Variants in ERBB4 observed in about 807,000 individuals in gnomAD.
The protein encoded by ERBB4 is receptor tyrosine-protein kinase erbB-4.
ERBB4 carries 42 observed loss-of-function variants against 158.0 expected under a neutral mutation model. The ratio of observed to expected loss-of-function variants is 0.27; its 90% CI spans 0.21 to 0.34. The LOEUF (loss-of-function observed/expected upper bound fraction) is 0.34, where lower values mean the gene tolerates loss of function less well. ERBB4 is among the 10% of genes least tolerant of loss of function. The pLI is 1.00. For missense variants in ERBB4, 1,333 were observed against 1,624.1 expected (o/e 0.82, Z 3.08); for synonymous variants, 583 against 558.7 (o/e 1.04, Z -0.61).
intron 13 of ERBB4, among the ~76,000 whole-genome samples, chr2:211,676,741 AC>A (rs2072090396): frequency 6.6e-6 from 1 of 152,216 alleles, no homozygotes; most frequent in African/African-American, 2.4e-5. Flanking sequence ...TTAGTATTGC[AC>A]ATATATATTC....
intron 1 of ERBB4, among the ~76,000 whole-genome samples, chr2:212,257,715 C>T (rs2084792906): frequency 6.6e-6 from 1 of 152,134 alleles, no homozygotes; most frequent in Admixed American, 6.6e-5. Flanking sequence ...ATTCAACTCT[C>T]TTAATGAAGC....
At chr2:212,462,030 AGTGTCAG>A (rs1391371478) in intron 1 of ERBB4, among the ~76,000 whole-genome samples, 1 of 152,170 alleles carries the variant, frequency 6.6e-6, no homozygotes, top group Non-Finnish European at 1.5e-5. Context: ...CAAATTGCCC[AGTGTCAG>A]GTATGTCTTT....
At chr2:212,432,863 T>G (rs367707203) in intron 1 of ERBB4, among the ~76,000 whole-genome samples, 71 of 152,212 alleles carry the variant, frequency 4.7e-4, no homozygotes, top group African/African-American at 1.7e-3. Flanking sequence ...CCTGAGTTAT[T>G]CAGATGGTCG....
At chr2:211,522,112 A>G (rs985540417) in intron 20 of ERBB4, among the ~76,000 whole-genome samples, 2 of 152,182 alleles carry the variant, frequency 1.3e-5, no homozygotes, top group Admixed American at 6.5e-5. Context: ...GGGTATAACT[A>G]CCACAGATAA....
At chr2:212,205,969 C>G (rs926408249) in intron 1 of ERBB4, among the ~76,000 whole-genome samples, 19 of 152,176 alleles carry the variant, frequency 1.2e-4, no homozygotes, top group Admixed American at 9.2e-4. Flanking sequence ...TATCCTAACA[C>G]AGGGGAGAGA....
At chr2:212,209,192 C>A (rs1431841415) in intron 1 of ERBB4, among the ~76,000 whole-genome samples, 2 of 152,132 alleles carry the variant, frequency 1.3e-5, no homozygotes, top group Admixed American at 6.6e-5. Flanking sequence ...CTTAGATGAA[C>A]TCTCCATAAC....
chr2:211,827,982 C>G (rs1222770457), intron 3 of ERBB4, among the ~76,000 whole-genome samples: 1 of 152,092 alleles, frequency 6.6e-6, no homozygotes, highest in Non-Finnish European at 1.5e-5. Flanking sequence ...GCAAGTCTTG[C>G]CTTAGCAGAG....
chr2:212,352,510 T>C (rs2089296706), intron 1 of ERBB4, among the ~76,000 whole-genome samples: 1 of 152,166 alleles, frequency 6.6e-6, no homozygotes, highest in Non-Finnish European at 1.5e-5. Flanking sequence ...ATGTTTGATA[T>C]ATTCTTAGAT....
At chr2:212,065,048 TCTGA>T (rs1171118359) in intron 2 of ERBB4, among the ~76,000 whole-genome samples, 1 of 151,210 alleles carries the variant, frequency 6.6e-6, no homozygotes, top group East Asian at 1.9e-4. Context: ...GTGTGTGTTT[TCTGA>T]CTTTCATTGA....
chr2:211,435,548 C>A (rs2063830775), intron 20 of ERBB4, among the ~76,000 whole-genome samples: 1 of 152,186 alleles, frequency 6.6e-6, no homozygotes, highest in South Asian at 2.1e-4. Flanking sequence ...GGCTGCACAG[C>A]AGGAGGTGAG....
At chr2:212,033,164 A>T (rs545378620) in intron 2 of ERBB4, among the ~76,000 whole-genome samples, 80 of 152,080 alleles carry the variant, frequency 5.3e-4, no homozygotes, top group South Asian at 1.9e-3. Context: ...AGAAATCTAT[A>T]ATAATGTTAG....
intron 3 of ERBB4, among the ~76,000 whole-genome samples, chr2:211,877,667 A>G (rs1425871106): frequency 6.6e-6 from 1 of 152,018 alleles, no homozygotes; most frequent in Non-Finnish European, 1.5e-5. Context: ...CTGATTCTGC[A>G]TTTTTAAATG....
At chr2:212,305,415 T>C (rs893667371) in intron 1 of ERBB4, among the ~76,000 whole-genome samples, 1 of 151,362 alleles carries the variant, frequency 6.6e-6, no homozygotes, top group African/African-American at 2.4e-5. Flanking sequence ...TAAAAATAAA[T>C]AGTATTTAAT....
intron 3 of ERBB4, among the ~76,000 whole-genome samples, chr2:211,940,782 T>A (rs189683694): frequency 2.6e-5 from 4 of 152,108 alleles, no homozygotes; most frequent in Middle Eastern, 3.2e-3. Flanking sequence ...TTTTGGCTTA[T>A]TTCTCCTCAG....
chr2:211,682,345 C>T (rs561286674), intron 12 of ERBB4, among the ~76,000 whole-genome samples: 1 of 152,206 alleles, frequency 6.6e-6, no homozygotes, highest in African/African-American at 2.4e-5. Context: ...GTGAATTCTC[C>T]CTTCTTTCAA....
chr2:212,184,920 C>G (rs924742372), intron 1 of ERBB4, among the ~76,000 whole-genome samples: 1 of 151,994 alleles, frequency 6.6e-6, no homozygotes, highest in Non-Finnish European at 1.5e-5. Context: ...TAACAAGGAC[C>G]AATCTAGTGC....
At chr2:212,099,030 C>T (rs1477118932) in intron 2 of ERBB4, among the ~76,000 whole-genome samples, 1 of 151,860 alleles carries the variant, frequency 6.6e-6, no homozygotes, top group African/African-American at 2.4e-5. Flanking sequence ...CCTGTAATAC[C>T]AGCAGTTTGG....
intron 5 of ERBB4, among the ~76,000 whole-genome samples, chr2:211,726,400 G>C (rs2074270287): frequency 6.6e-6 from 1 of 152,080 alleles, no homozygotes; most frequent in South Asian, 2.1e-4. Flanking sequence ...TCCCCATTTT[G>C]ATATGCAAGG....
intron 1 of ERBB4, among the ~76,000 whole-genome samples, chr2:212,275,232 TAC>T (rs1385338350): frequency 6.6e-6 from 1 of 151,990 alleles, no homozygotes; most frequent in Non-Finnish European, 1.5e-5. Flanking sequence ...GCAATAAACA[TAC>T]GTGTGTATGT....
Sources: gnomAD v4.1 joint callset for allele counts (sites outside exome capture counted in the v4.1 genomes callset) on GRCh38, gnomAD v4.1.1 for gene constraint, MANE v1.5 for transcripts, NCBI Gene and HGNC (gene_info 2026-07-23, HGNC 2026-07-21) for gene names.